The following NRK variants were observed in gnomAD, a reference collection of about 807,000 sequenced individuals.
NRK encodes the protein Nik related kinase, also known as nik-related protein kinase.
Under a neutral mutation model 125.2 loss-of-function variants are expected in NRK, and 67 were observed. The ratio of observed to expected loss-of-function variants is 0.54; its 90% CI spans 0.44 to 0.66. NRK has a LOEUF of 0.66. NRK is among the 30% of genes least tolerant of loss of function. The pLI is 0.00. For synonymous variants in NRK, 458 were observed against 429.0 expected, an observed-to-expected ratio of 1.07 and a Z score of -0.84; for missense variants, 1,224 against 1,192.9, an observed-to-expected ratio of 1.03 and a Z score of -0.38.
intron 2 of NRK, among the ~76,000 whole-genome samples, chrX:105,846,595 T>A (rs2039404766): frequency 9.0e-6 from 1 of 111,659 alleles, no homozygotes; most frequent in Non-Finnish European, 1.9e-5. Flanking sequence ...CTCCAGGTGA[T>A]GTAACATTGT....
At chrX:105,918,238 C>G (rs376006664) in intron 16 of NRK, among the ~76,000 whole-genome samples, 1 of 111,055 alleles carries the variant, frequency 9.0e-6, no homozygotes, top group Non-Finnish European at 1.9e-5. Flanking sequence ...TTAAGATGTG[C>G]TTTTGAGAGA....
chrX:105,916,221 A>G (rs1332035348), intron 15 of NRK, among the ~76,000 whole-genome samples: 1 of 110,934 alleles, frequency 9.0e-6, no homozygotes, highest in African/African-American at 3.3e-5. Flanking sequence ...AAAATGTCCT[A>G]TAGTCAAAAT....
intron 25 of NRK, 129 bp from the exon 26 acceptor site, chrX:105,946,186 C>T: frequency 1.4e-6 from 1 of 735,555 alleles, no homozygotes; most frequent in Non-Finnish European, 2.0e-6. Flanking sequence ...TCTCTAAATA[C>T]AATATGCCAT....
chrX:105,928,227 A>G (rs2040549937), intron 19 of NRK, among the ~76,000 whole-genome samples: 2 of 111,045 alleles, frequency 1.8e-5, no homozygotes, highest in Non-Finnish European at 3.8e-5. Flanking sequence ...GCTAGGTTGT[A>G]TGTGTCCAGG....
At chrX:105,891,068 A>G (rs1249163211) in intron 5 of NRK, among the ~76,000 whole-genome samples, 5 of 112,139 alleles carry the variant, frequency 4.5e-5, no homozygotes, top group African/African-American at 1.6e-4. Flanking sequence ...ATAAATTCTA[A>G]TTAGCACTTG....
At chrX:105,831,527 T>C (rs1326712918) in intron 2 of NRK, among the ~76,000 whole-genome samples, 1 of 112,207 alleles carries the variant, frequency 8.9e-6, no homozygotes, top group Non-Finnish European at 1.9e-5. Flanking sequence ...TGTACTTGAG[T>C]GTGCACATGT....
At position 105,923,282 on chromosome X, in the gene NRK, T is replaced by A. The variant is rs1186608026; in HGVS notation, c.2775T>A (p.Asp925Glu). The A allele has an allele frequency of 8.3e-7, 1 of 1,200,614 alleles. No individual in the cohort carries two copies. Residue 925 changes from aspartate to glutamate, a missense_variant, in exon 18 of 29, where the codon GAT (aspartate) becomes GAA (glutamate). Asp to Glu is a conservative substitution (Grantham distance 45). Coordinates refer to ENST00000243300, the MANE Select transcript of NRK (RefSeq NM_198465.4). Reference sequence around the variant, plus strand: ...ATGGTGATTATGTTGAACTCTATGATGCCAGTGCTGATACTGATGGTGATG... The same window carrying A: ...ATGGTGATTATGTTGAACTCTATGAAGCCAGTGCTGATACTGATGGTGATG... Reference protein sequence around the residue: ...EEDGDYVELYDASADTDGDDD... With the variant: ...EEDGDYVELYEASADTDGDDD...
At chrX:105,859,862 G>A (rs2039579412) in intron 2 of NRK, among the ~76,000 whole-genome samples, 1 of 111,554 alleles carries the variant, frequency 9.0e-6, no homozygotes, top group Non-Finnish European at 1.9e-5. Context: ...TGCAGTTGGG[G>A]TCTCTTGCCA....
chrX:105,931,377 C>G (rs1327057564), intron 19 of NRK, among the ~76,000 whole-genome samples: 1 of 111,797 alleles, frequency 8.9e-6, no homozygotes, highest in Non-Finnish European at 1.9e-5. Context: ...GTGGGAAATG[C>G]ACAACTTTTG....
intron 2 of NRK, among the ~76,000 whole-genome samples, chrX:105,868,632 A>G (rs1465857571): frequency 9.0e-6 from 1 of 110,676 alleles, no homozygotes; most frequent in African/African-American, 3.3e-5. Flanking sequence ...GTGCAATAGT[A>G]CCATTCTACT....
At position 105,921,996 on chromosome X, in the gene NRK, G is replaced by A. The variant is rs748636113; in HGVS notation, c.2545G>A (p.Gly849Arg). Reference protein sequence around the residue: ...SSSEEESPVTGRRSQSSPPYS... With the variant: ...SSSEEESPVTRRRSQSSPPYS... ...TTCTGAGGAAGAAAGTCCTGTGACT[G>A]GAAGGAGGTCTCAGTCATCACCACC... The change falls in exon 17 of 29, where the codon GGA (glycine) becomes AGA (arginine). Residue 849 changes from glycine to arginine, a missense_variant. Transcript: ENST00000243300. 2 of 1,178,861 alleles carry A rather than the reference G, an allele frequency of 1.7e-6. No individual in the cohort carries two copies. Among genetic ancestry groups the A allele is most frequent in the Middle Eastern group, 2.3e-4 (1 of 4,256 alleles).
chrX:105,895,241 A>G (rs1267781731), intron 6 of NRK, 192 bp from the exon 7 acceptor site: 3 of 524,716 alleles, frequency 5.7e-6, no homozygotes, highest in Non-Finnish European at 3.5e-6. Flanking sequence ...CTTATAGCCA[A>G]AAGTCATATT....
intron 11 of NRK, chrX:105,907,077 C>G (rs764633906): frequency 1.8e-5 from 2 of 109,732 alleles, no homozygotes; most frequent in Non-Finnish European, 3.8e-5. Flanking sequence ...GTTTTATGTA[C>G]TAAACTCCAA....
chrX:105,832,256 A>G lies in NRK; in HGVS notation c.123+1137A>G, dbSNP rs779758452. Among the ~76,000 whole-genome samples the G allele has an allele frequency of 4.5e-5, 5 of 111,555 alleles. No individual in the cohort carries two copies. The South Asian group carries it at 1.9e-3, about 43-fold the overall frequency. The stretch of plus-strand genomic sequence containing the variant: ...TGACCGTTAAACTGATATCAGAAGG[A>G]TAAATATGAGGTAACCAAGAAAAGG... On this transcript the variant is annotated intron_variant, in intron 2 of 28. Transcript: ENST00000243300.
At chrX:105,906,198 A>T (rs1230057299) in intron 10 of NRK, among the ~76,000 whole-genome samples, 1 of 111,735 alleles carries the variant, frequency 8.9e-6, no homozygotes, top group African/African-American at 3.3e-5. Context: ...TAGATGGAAT[A>T]TGCTATTGAC....
rs2037206796 is a variant in NRK, at chrX:105,924,902, A to C, written c.3183A>C (p.Gly1061=). Residue 1061 remains glycine, a synonymous_variant, in exon 19 of 29, where the codon GGA becomes GGC. Transcript: ENST00000243300. ...AAAGAAGAGGCAGTGAGGGTGATGG[A>C]GGTAAGGGAGTCGTTCGAACCAGTG... ...GSERRGSEGD[G]GKGVVRTSEE... The C allele has an allele frequency of 2.5e-6, 3 of 1,210,288 alleles. No homozygotes were observed. The highest frequency in any genetic ancestry group is 2.3e-4 in the Middle Eastern group (1 of 4,343).
Position 105,939,962 on chromosome X carries a change from A to T in NRK, c.3888A>T (p.Glu1296Asp). The T allele has an allele frequency of 8.4e-7, 1 of 1,191,651 alleles. No individual in the cohort carries two copies. The highest frequency in any genetic ancestry group is 1.1e-6 in the Non-Finnish European group (1 of 880,920). Residue 1296 changes from glutamate (E) to aspartate (D), a missense_variant, in exon 23 of 29, where the codon GAA becomes GAT. Physicochemically the swap from Glu to Asp is conservative, Grantham distance 45 (BLOSUM62 2). Transcript: ENST00000243300. Reference sequence around the variant, plus strand: ...ATCCAGAAAGTAAAAGAAGGCAAGAAGAAATGCTGAAGACAGAGGAAGCCT... The same window carrying T: ...ATCCAGAAAGTAAAAGAAGGCAAGATGAAATGCTGAAGACAGAGGAAGCCT... ...NNDPESKRRQEEMLKTEEACK... is the reference protein window; with the variant it reads ...NNDPESKRRQDEMLKTEEACK...
intron 2 of NRK, among the ~76,000 whole-genome samples, chrX:105,836,139 C>T (rs911099330): frequency 6.3e-5 from 7 of 111,752 alleles, no homozygotes; most frequent in Non-Finnish European, 1.1e-4. Flanking sequence ...TGCCTTGAGA[C>T]TTCTCTATAG....
chrX:105,947,889 A>T (rs1487970061), intron 26 of NRK, among the ~76,000 whole-genome samples: 1 of 110,217 alleles, frequency 9.1e-6, no homozygotes, highest in Non-Finnish European at 1.9e-5. Flanking sequence ...TCTTTTGGTC[A>T]TATTAAAGAT....
Sources: gnomAD v4.1 joint callset for allele counts (sites outside exome capture counted in the v4.1 genomes callset) on GRCh38, gnomAD v4.1.1 for gene constraint, MANE v1.5 for transcripts, NCBI Gene and HGNC (gene_info 2026-07-23, HGNC 2026-07-21) for gene names.